FBXO34: variants seen among roughly 807,000 people sequenced by gnomAD.
The protein encoded by FBXO34 is F-box protein 34.
In FBXO34, 12 loss-of-function variants were observed where a neutral mutation model predicts 24.5. That is an observed-to-expected ratio of 0.49 (90% CI 0.31 to 0.79). FBXO34 has a LOEUF of 0.79. Ranked by LOEUF, FBXO34 falls within the 30% of genes least tolerant of loss-of-function variation. FBXO34 has a pLI of 0.04. For missense variants in FBXO34, 823 were observed against 857.7 expected, an observed-to-expected ratio of 0.96 and a Z score of 0.51; for synonymous variants, 320 against 311.9, an observed-to-expected ratio of 1.03 and a Z score of -0.27.
intron 1 of FBXO34, among the ~76,000 whole-genome samples, chr14:55,296,561 A>C (rs1243984506): frequency 6.6e-6 from 1 of 150,728 alleles, no homozygotes; most frequent in Non-Finnish European, 1.5e-5. Context: ...CACCCGGCTA[A>C]TTTTTTTTGT....
intron 1 of FBXO34, among the ~76,000 whole-genome samples, chr14:55,295,975 G>A (rs903713520): frequency 6.6e-6 from 1 of 152,162 alleles, no homozygotes; most frequent in Non-Finnish European, 1.5e-5. Flanking sequence ...TGTGACTGAA[G>A]CAGTAATGTT....
the FBXO34 span, among the ~76,000 whole-genome samples, chr14:55,441,781 C>T: frequency 1.3e-5 from 2 of 151,040 alleles, no homozygotes; most frequent in Non-Finnish European, 2.9e-5. Flanking sequence ...CTTTTCTTTT[C>T]TTTTTTTGAG....
chr14:55,300,319 G>A (rs1396030530), intron 1 of FBXO34, among the ~76,000 whole-genome samples: 3 of 152,270 alleles, frequency 2.0e-5, no homozygotes, highest in African/African-American at 4.8e-5. Context: ...GTGGCCGGGC[G>A]AGGTGGCTCA....
chr14:55,401,576 T>TC, the FBXO34 span, among the ~76,000 whole-genome samples: 1 of 152,200 alleles, frequency 6.6e-6, no homozygotes, highest in Non-Finnish European at 1.5e-5. Context: ...TTTGGGTTGT[T>TC]CCCCCCTAAA....
intron 1 of FBXO34, among the ~76,000 whole-genome samples, chr14:55,336,202 TTTA>T (rs914898318): frequency 1.3e-5 from 2 of 152,232 alleles, no homozygotes; most frequent in Admixed American, 6.5e-5. Flanking sequence ...TCAGTTCTTT[TTTA>T]TTGTTATACT....
At chr14:55,291,853 A>G (rs546261810) in intron 1 of FBXO34, among the ~76,000 whole-genome samples, 1 of 152,192 alleles carries the variant, frequency 6.6e-6, no homozygotes, top group East Asian at 1.9e-4. Context: ...AGTCCCAGCT[A>G]TGTGGGGGTG....
chr14:55,377,937 C>T, the FBXO34 span: 3 of 1,591,144 alleles, frequency 1.9e-6, no homozygotes, highest in Non-Finnish European at 1.7e-6. Flanking sequence ...TTAATATTTT[C>T]AACTATTTAA....
chr14:55,414,335 G>A, the FBXO34 span: 1 of 1,404,100 alleles, frequency 7.1e-7, no homozygotes, highest in Non-Finnish European at 9.9e-7. Flanking sequence ...CTGGGCTTAT[G>A]GACATATTCA....
the FBXO34 span, among the ~76,000 whole-genome samples, chr14:55,434,987 A>C: frequency 6.6e-6 from 1 of 152,200 alleles, no homozygotes; most frequent in Non-Finnish European, 1.5e-5. Context: ...TGACAAACCC[A>C]ATTACCCTAG....
chr14:55,381,940 CA>C, the FBXO34 span: 36 of 1,590,426 alleles, frequency 2.3e-5, no homozygotes, highest in Non-Finnish European at 7.8e-6. Context: ...ATATAGATTT[CA>C]AAGGATATGC....
downstream of FBXO34, among the ~76,000 whole-genome samples, chr14:55,363,020 TC>T (rs1566573196): frequency 2.5e-5 from 3 of 121,552 alleles, no homozygotes; most frequent in South Asian, 2.9e-4. Flanking sequence ...TTTTTCTCTC[TC>T]TCTTTTTTTT....
intron 1 of FBXO34, among the ~76,000 whole-genome samples, chr14:55,296,391 G>GTTTTTTTTTTTTTTTTTTTTT (rs1167344634): frequency 1.5e-4 from 10 of 64,736 alleles, no homozygotes; most frequent in East Asian, 6.0e-4. Flanking sequence ...TGTTTTTTTT[G>GTTTTTTTTTTTTTTTTTTTTT]TTTTTTTTTT....
At chr14:55,288,387 A>G (rs1321238139) in intron 1 of FBXO34, among the ~76,000 whole-genome samples, 1 of 152,364 alleles carries the variant, frequency 6.6e-6, no homozygotes, top group East Asian at 1.9e-4. Context: ...GCTGGGAAAA[A>G]ATAGTCCAAG....
chr14:55,307,067 CTGAT>C (rs1355852608), intron 1 of FBXO34, among the ~76,000 whole-genome samples: 3 of 152,198 alleles, frequency 2.0e-5, no homozygotes, highest in African/African-American at 4.8e-5. Flanking sequence ...GAAAGTAAGA[CTGAT>C]TGTTCTGAAT....
chr14:55,350,953 C>G lies in FBXO34; in HGVS notation c.563C>G (p.Ser188Cys), dbSNP rs1321985191. 3 of 1,614,170 alleles carry G rather than the reference C, an allele frequency of 1.9e-6. No individual in the cohort carries two copies. Among genetic ancestry groups the G allele is most frequent in the East Asian group, 4.5e-5 (2 of 44,888 alleles). Residue 188 changes from serine to cysteine, a missense_variant, in exon 2 of 2, where the codon TCT becomes TGT. Coordinates refer to ENST00000313833, the MANE Select transcript of FBXO34 (RefSeq NM_017943.4). ...TTTGCATGTGGCATTGAGCACTGTT[C>G]TGTGCACTATGTGAGTGACAGTGGG... ...EPFACGIEHC[S>C]VHYVSDSGDG...
chr14:55,359,194 A>C (rs1435714952), intron 3 of FBXO34, among the ~76,000 whole-genome samples: 2 of 152,248 alleles, frequency 1.3e-5, no homozygotes, highest in Non-Finnish European at 1.5e-5. Flanking sequence ...ATTTTGTCAG[A>C]ACAAGCCTCC....
At chr14:55,406,425 G>GA in the FBXO34 span, among the ~76,000 whole-genome samples, 1 of 152,120 alleles carries the variant, frequency 6.6e-6, no homozygotes, top group Non-Finnish European at 1.5e-5. Context: ...AAGTTAAGGG[G>GA]AAAAAGAGTC....
chr14:55,289,066 G>A (rs1881855622), intron 1 of FBXO34, among the ~76,000 whole-genome samples: 2 of 151,878 alleles, frequency 1.3e-5, no homozygotes, highest in Admixed American at 1.3e-4. Flanking sequence ...AACAAAAAAA[G>A]TATATGTAAT....
At chr14:55,323,218 A>AAAAAAAAAAAT (rs1566555819) in intron 1 of FBXO34, among the ~76,000 whole-genome samples, 3 of 31,630 alleles carry the variant, frequency 9.5e-5, no homozygotes, top group African/African-American at 4.6e-4. Context: ...AAAAAAAAAA[A>AAAAAAAAAAAT]ATATATATTT....
Sources: gnomAD v4.1 joint callset for allele counts (sites outside exome capture counted in the v4.1 genomes callset) on GRCh38, gnomAD v4.1.1 for gene constraint, MANE v1.5 for transcripts, NCBI Gene and HGNC (gene_info 2026-07-23, HGNC 2026-07-21) for gene names.